ORC3: variants seen among roughly 807,000 people sequenced by gnomAD.
ORC3 encodes the protein origin recognition complex subunit 3.
In ORC3, 78 loss-of-function variants were observed where a neutral mutation model predicts 100.7. That is an observed-to-expected ratio of 0.77 (90% CI 0.65 to 0.94). The LOEUF (loss-of-function observed/expected upper bound fraction) is 0.94, where lower values mean the gene tolerates loss of function less well. ORC3 is among the 40% of genes least tolerant of loss of function. ORC3 has a pLI of 0.00. For synonymous variants in ORC3, 295 were observed against 289.3 expected (o/e 1.02, Z -0.20); for missense variants, 789 against 823.9 (o/e 0.96, Z 0.52).
At chr6:87,649,433 A>C (rs1769065372) in intron 13 of ORC3, among the ~76,000 whole-genome samples, 1 of 152,176 alleles carries the variant, frequency 6.6e-6, no homozygotes, top group South Asian at 2.1e-4. Flanking sequence ...TTCCAGATAC[A>C]TTTCAGAATA....
intron 9 of ORC3, among the ~76,000 whole-genome samples, chr6:87,618,134 G>A (rs1779287646): frequency 6.6e-6 from 1 of 152,198 alleles, no homozygotes; most frequent in South Asian, 2.1e-4. Flanking sequence ...CTCTGGGCTG[G>A]GCGCGGTGGC....
intron 17 of ORC3, 35 bp from the exon 18 acceptor site, chr6:87,664,708 A>G (rs1034007415): frequency 6.6e-7 from 1 of 1,511,706 alleles, no homozygotes; most frequent in African/African-American, 1.4e-5. Flanking sequence ...ATAATTTATA[A>G]AAGTTAGTCA....
At chr6:87,593,599 A>G (rs887641900) in intron 1 of ORC3, among the ~76,000 whole-genome samples, 1 of 152,252 alleles carries the variant, frequency 6.6e-6, no homozygotes, top group African/African-American at 2.4e-5. Context: ...AAACAGCTGC[A>G]ATTATCTATT....
chr6:87,673,890 C>A, the ORC3 span, among the ~76,000 whole-genome samples: 1 of 151,778 alleles, frequency 6.6e-6, no homozygotes, highest in Non-Finnish European at 1.5e-5. Context: ...CTTATTGCTA[C>A]CCTGTGCTAT....
intron 13 of ORC3, chr6:87,651,264 C>T: frequency 2.2e-6 from 1 of 456,300 alleles, no homozygotes; most frequent in African/African-American, 2.0e-5. Context: ...TAATCCTTCA[C>T]ATGCTGCTAA....
chr6:87,621,556 C>A, intron 10 of ORC3, 69 bp downstream of exon 10: 2 of 1,023,032 alleles, frequency 2.0e-6, no homozygotes, highest in Non-Finnish European at 1.4e-6. Flanking sequence ...GATCTCAGAT[C>A]CAGTTATTTC....
At chr6:87,608,046 A>G (rs575535634) in intron 6 of ORC3, among the ~76,000 whole-genome samples, 1 of 152,358 alleles carries the variant, frequency 6.6e-6, no homozygotes, top group African/African-American at 2.4e-5. Flanking sequence ...GGTTTTTACA[A>G]GGACATATTA....
chr6:87,664,733 TA>T lies in ORC3; in HGVS notation c.1834-8del. 1 of 1,605,122 alleles carries T rather than the reference TA, an allele frequency of 6.2e-7. No individual in the cohort carries two copies. The highest frequency in any genetic ancestry group is 8.5e-7 in the Non-Finnish European group (1 of 1,171,860). Reference sequence around the variant, plus strand: ...AAAGTTAGTCATCTTAGTTTACTGTTAATTGTTAGAATGAAGCACTGAAAAG... The same window carrying T: ...AAAGTTAGTCATCTTAGTTTACTGTTATTGTTAGAATGAAGCACTGAAAAG... On this transcript the variant is annotated splice_polypyrimidine_tract_variant and intron_variant, in intron 17 of 19. Transcript: ENST00000392844.
intron 13 of ORC3, among the ~76,000 whole-genome samples, chr6:87,642,017 C>G (rs1209094015): frequency 6.6e-6 from 1 of 152,174 alleles, no homozygotes; most frequent in Non-Finnish European, 1.5e-5. Context: ...TAATTTCTGG[C>G]AGGCACGGTG....
intron 8 of ORC3, among the ~76,000 whole-genome samples, chr6:87,613,313 A>G (rs1274643627): frequency 1.3e-5 from 2 of 152,186 alleles, no homozygotes; most frequent in African/African-American, 2.4e-5. Flanking sequence ...CTTATTCACT[A>G]TCATGAGAAC....
intron 9 of ORC3, among the ~76,000 whole-genome samples, chr6:87,620,324 C>G (rs1779446907): frequency 6.6e-6 from 1 of 152,274 alleles, no homozygotes; most frequent in African/African-American, 2.4e-5. Context: ...TAATTTAGCA[C>G]CTGGCATAAA....
chr6:87,590,667 G>T (rs1776769883), intron 1 of ORC3, among the ~76,000 whole-genome samples: 1 of 152,190 alleles, frequency 6.6e-6, no homozygotes. Context: ...GTTGTCGGGG[G>T]TTAGCGGAGG....
intron 13 of ORC3, among the ~76,000 whole-genome samples, chr6:87,646,026 G>T (rs1583133261): frequency 1.7e-5 from 2 of 118,770 alleles, no homozygotes; most frequent in South Asian, 2.6e-4. Context: ...TTGCGCTGTT[G>T]CCCAGGCTGG....
Position 87,619,792 on chromosome 6 carries a change from C to T in ORC3, c.988-1562C>T, listed in dbSNP as rs113144107. Among the ~76,000 whole-genome samples the T allele has an allele frequency of 4.4e-3, 663 of 152,254 alleles. 3 individuals are homozygous for T. The highest frequency in any genetic ancestry group is 0.015 in the African/African-American group (633 of 41,538). On this transcript the variant is annotated intron_variant, in intron 9 of 19. Transcript: ENST00000392844. The stretch of plus-strand genomic sequence containing the variant: ...TTAAGTGGCTTGGCCAAGGTCACAC[C>T]ACTAACAAGTGACAGCATCTTTAGA...
At chr6:87,669,573 G>A (rs1350968694), downstream of ORC3, among the ~76,000 whole-genome samples, 1 of 152,256 alleles carries the variant, frequency 6.6e-6, no homozygotes, top group African/African-American at 2.4e-5. Context: ...GGGTCTTTGA[G>A]TGAGGGTGTG....
intron 14 of ORC3, among the ~76,000 whole-genome samples, chr6:87,655,203 G>C (rs1769579150): frequency 6.6e-6 from 1 of 151,994 alleles, no homozygotes; most frequent in Non-Finnish European, 1.5e-5. Context: ...GATTTTTTTT[G>C]AGACAGGATC....
intron 11 of ORC3, among the ~76,000 whole-genome samples, chr6:87,631,250 A>C (rs1767381655): frequency 6.6e-6 from 1 of 152,156 alleles, no homozygotes; most frequent in Admixed American, 6.6e-5. Context: ...AAGACTAAGA[A>C]GTCTTCATGC....
chr6:87,608,447 A>G (rs1778504428), intron 6 of ORC3, among the ~76,000 whole-genome samples: 1 of 152,222 alleles, frequency 6.6e-6, no homozygotes. Context: ...GTAGCCAGAC[A>G]GTATGGGAAA....
At chr6:87,602,700 G>A (rs1277099667) in intron 3 of ORC3, among the ~76,000 whole-genome samples, 1 of 151,408 alleles carries the variant, frequency 6.6e-6, no homozygotes, top group Non-Finnish European at 1.5e-5. Flanking sequence ...ATATCCTCCT[G>A]ACTGGCATCC....
Sources: allele counts gnomAD v4.1 joint callset (sites outside exome capture counted in the v4.1 genomes callset), GRCh38; gene constraint gnomAD v4.1.1; transcripts MANE v1.5; gene names NCBI Gene and HGNC (gene_info 2026-07-23, HGNC 2026-07-21).